PPAT: variants seen among roughly 807,000 people sequenced by gnomAD.
The protein encoded by PPAT is phosphoribosyl pyrophosphate amidotransferase.
PPAT carries 20 observed loss-of-function variants against 60.2 expected under a neutral mutation model. That is an observed-to-expected ratio of 0.33 (90% CI 0.23 to 0.48). The LOEUF (loss-of-function observed/expected upper bound fraction) is 0.48, where lower values mean the gene tolerates loss of function less well. PPAT is among the 20% of genes least tolerant of loss of function. PPAT has a pLI of 0.99. For missense variants in PPAT, 349 were observed against 629.6 expected (o/e 0.55, Z 4.77); for synonymous variants, 194 against 215.1 (o/e 0.90, Z 0.86).
intron 1 of PPAT, among the ~76,000 whole-genome samples, chr4:56,411,343 T>C (rs916576770): frequency 2.6e-5 from 4 of 152,242 alleles, no homozygotes; most frequent in Non-Finnish European, 5.9e-5. Context: ...CCTAAATTTA[T>C]AAATAAAAGC....
intron 1 of PPAT, among the ~76,000 whole-genome samples, chr4:56,429,836 ATAGAT>A (rs775731494): frequency 4.6e-5 from 7 of 152,308 alleles, no homozygotes; most frequent in African/African-American, 7.2e-5. Flanking sequence ...TTCTATCACC[ATAGAT>A]TAGTTTGGGA....
intron 5 of PPAT, among the ~76,000 whole-genome samples, chr4:56,402,572 T>G (rs1282720107): frequency 1.3e-5 from 2 of 151,908 alleles, no homozygotes; most frequent in African/African-American, 4.8e-5. Flanking sequence ...ATCCCAGCAC[T>G]TTGGGAGGCT....
At chr4:56,411,882 G>A (rs938253428) in intron 1 of PPAT, among the ~76,000 whole-genome samples, 1 of 152,158 alleles carries the variant, frequency 6.6e-6, no homozygotes, top group Non-Finnish European at 1.5e-5. Context: ...CATGTTTACA[G>A]CTCAGTAACA....
In PPAT at chr4:56,394,567, T is replaced by C. The variant is rs1158201522; in HGVS notation, c.*785A>G. ...ATGGATCACATTTTCTAGTCAAATGTAGGAAAAACTTTTTCACAGATTTTT... is the reference window on the plus strand; with the variant it reads ...ATGGATCACATTTTCTAGTCAAATGCAGGAAAAACTTTTTCACAGATTTTT... On this transcript the variant is annotated 3_prime_UTR_variant, in exon 11 of 11. Coordinates refer to ENST00000264220, the MANE Select transcript of PPAT (RefSeq NM_002703.5). 6.6e-6 allele frequency: 1 copy of C among 152,172 alleles called. No individual in the cohort carries two copies. The highest frequency in any genetic ancestry group is 1.5e-5 in the Non-Finnish European group (1 of 68,030). The allele number at this position is 152,172 out of a possible 1,614,324, so 9.4% of individuals were successfully genotyped here. A position where few individuals can be genotyped will look rare whatever the true frequency, so the allele number is the denominator to read the frequency against.
At chr4:56,416,727 T>C (rs1166827427) in intron 1 of PPAT, among the ~76,000 whole-genome samples, 1 of 152,224 alleles carries the variant, frequency 6.6e-6, no homozygotes, top group East Asian at 1.9e-4. Context: ...ATGATCACTT[T>C]AGTGTTGAGG....
At chr4:56,430,076 C>T (rs1380489443) in intron 1 of PPAT, among the ~76,000 whole-genome samples, 1 of 152,158 alleles carries the variant, frequency 6.6e-6, no homozygotes, top group Non-Finnish European at 1.5e-5. Flanking sequence ...GTCTGGGCAA[C>T]ATAGTGAAAC....
At chr4:56,435,090 C>T (rs545488407) in intron 1 of PPAT, among the ~76,000 whole-genome samples, 3 of 152,156 alleles carry the variant, frequency 2.0e-5, no homozygotes, top group Non-Finnish European at 4.4e-5. Context: ...GATGGGTGCA[C>T]ACACCGGGGG....
intron 1 of PPAT, chr4:56,423,061 T>C (rs1165284002): frequency 2.6e-5 from 4 of 152,086 alleles, no homozygotes; most frequent in Admixed American, 1.3e-4. Flanking sequence ...ACCTGATAGT[T>C]TGCCTCTTCT....
intron 1 of PPAT, among the ~76,000 whole-genome samples, chr4:56,434,330 T>C (rs1717778101): frequency 6.6e-6 from 1 of 152,224 alleles, no homozygotes; most frequent in African/African-American, 2.4e-5. Context: ...TTATACGTGT[T>C]GCACCCATTT....
At chr4:56,409,875 T>C (rs1169995697) in intron 1 of PPAT, among the ~76,000 whole-genome samples, 1 of 152,238 alleles carries the variant, frequency 6.6e-6, no homozygotes, top group Admixed American at 6.5e-5. Flanking sequence ...TGCAGTGTTT[T>C]ATTAACGAGA....
intron 1 of PPAT, among the ~76,000 whole-genome samples, chr4:56,423,760 A>G (rs1717156512): frequency 6.6e-6 from 1 of 152,098 alleles, no homozygotes; most frequent in African/African-American, 2.4e-5. Context: ...CCTAGAGATT[A>G]TATTATTTTA....
intron 8 of PPAT, 115 bp downstream of exon 8, chr4:56,400,669 A>T: frequency 8.6e-7 from 1 of 1,161,974 alleles, no homozygotes; most frequent in Non-Finnish European, 1.2e-6. Flanking sequence ...ACCAACATTA[A>T]CCACCAAAGC....
intron 9 of PPAT, chr4:56,397,003 A>T: frequency 4.0e-6 from 1 of 250,054 alleles, no homozygotes; most frequent in Non-Finnish European, 7.5e-6. Context: ...ACTTCTGCTT[A>T]TCCCTTATCT....
At chr4:56,428,933 A>G in intron 1 of PPAT, 1 of 922,260 alleles carries the variant, frequency 1.1e-6, no homozygotes, top group Non-Finnish European at 1.3e-6. Flanking sequence ...CTGTGTTTTT[A>G]TTTAAGAATT....
chr4:56,409,944 C>CAGCCA (rs1414433498), intron 1 of PPAT, among the ~76,000 whole-genome samples: 5 of 152,198 alleles, frequency 3.3e-5, no homozygotes, highest in Non-Finnish European at 7.4e-5. Flanking sequence ...GGCATGATCA[C>CAGCCA]AGCTCACAGC....
intron 1 of PPAT, chr4:56,429,045 AAAC>A: frequency 1.7e-6 from 1 of 604,314 alleles, no homozygotes; most frequent in Non-Finnish European, 2.1e-6. Flanking sequence ...CACACAGTGG[AAAC>A]AACTTGTTGC....
chr4:56,430,318 C>T (rs951197144), intron 1 of PPAT, among the ~76,000 whole-genome samples: 5 of 152,206 alleles, frequency 3.3e-5, no homozygotes, highest in African/African-American at 1.2e-4. Flanking sequence ...CATATATTAA[C>T]ATATTTAGTC....
At position 56,396,955 on chromosome 4, in the gene PPAT, T is replaced by C. The variant is rs1715980732; in HGVS notation, c.1237-216A>G. ...TATCCTACTTCTCATTTGATGTCTT[T>C]ACATTCCTAGAGCCACTTTTCTCTT... On this transcript the variant is annotated intron_variant, in intron 9 of 10. Coordinates refer to ENST00000264220, the MANE Select transcript of PPAT (RefSeq NM_002703.5). This position sits in a 1 kb window ranked among gnomAD's most constrained non-coding sequence, Gnocchi z 4.6. 1 of 353,254 alleles carries C rather than the reference T, an allele frequency of 2.8e-6. No homozygotes were observed. Among genetic ancestry groups the C allele is most frequent in the Non-Finnish European group, 5.0e-6 (1 of 199,664 alleles). 21.9% of individuals were successfully genotyped at this position (353,254 alleles called of 1,614,324 possible). A position where few individuals can be genotyped will look rare whatever the true frequency, so the allele number is the denominator to read the frequency against.
At chr4:56,426,561 C>T (rs1252696363) in intron 1 of PPAT, among the ~76,000 whole-genome samples, 1 of 152,160 alleles carries the variant, frequency 6.6e-6, no homozygotes, top group Non-Finnish European at 1.5e-5. Flanking sequence ...TGTCTGGCTT[C>T]TTTTGTTTCA....
Sources: gnomAD v4.1 joint callset for allele counts (sites outside exome capture counted in the v4.1 genomes callset) on GRCh38, gnomAD v4.1.1 for gene constraint, Gnocchi (gnomAD v3.1) non-coding constraint, MANE v1.5 for transcripts, NCBI Gene and HGNC (gene_info 2026-07-23, HGNC 2026-07-21) for gene names.